The following TSEN2 variants were observed in gnomAD, a reference collection of about 807,000 sequenced individuals.
TSEN2 encodes the protein tRNA-splicing endonuclease subunit Sen2.
TSEN2 carries 54 observed loss-of-function variants against 59.2 expected under a neutral mutation model. That is an observed-to-expected ratio of 0.91 (90% confidence interval 0.73 to 1.14). The LOEUF (loss-of-function observed/expected upper bound fraction) is 1.14, where lower values mean the gene tolerates loss of function less well. TSEN2 is among the 50% of genes most tolerant of loss of function. TSEN2 has a pLI of 0.00. For synonymous variants in TSEN2, 195 were observed against 198.2 expected (o/e 0.98, Z 0.14); for missense variants, 636 against 576.2 (o/e 1.10, Z -1.06).
chr3:12,528,059 C>G (rs146247586), intron 8 of TSEN2, among the ~76,000 whole-genome samples: 3 of 152,334 alleles, frequency 2.0e-5, no homozygotes, highest in African/African-American at 7.2e-5. Flanking sequence ...CAAACTGATA[C>G]TTGAATGGCA....
intron 4 of TSEN2, among the ~76,000 whole-genome samples, chr3:12,500,306 G>A (rs890926039): frequency 3.3e-5 from 5 of 152,176 alleles, no homozygotes; most frequent in African/African-American, 9.7e-5. Flanking sequence ...TGTTTGTGTG[G>A]CTCTTTTCAT....
intron 7 of TSEN2, among the ~76,000 whole-genome samples, chr3:12,517,016 C>T (rs899361768): frequency 2.6e-5 from 4 of 152,108 alleles, no homozygotes; most frequent in Admixed American, 2.0e-4. Context: ...GTACTTTACA[C>T]GCAATATTTC....
At chr3:12,539,288 C>T (rs1191381144) in exon 11 of TSEN2, 1 of 347,406 alleles carries the variant, frequency 2.9e-6, no homozygotes, top group African/African-American at 2.2e-5. Context: ...CACGCACCAC[C>T]ACACACGGCT....
upstream of TSEN2, among the ~76,000 whole-genome samples, chr3:12,480,617 G>A (rs2052182164): frequency 7.4e-6 from 1 of 135,364 alleles, no homozygotes. Context: ...TGTAACCTCT[G>A]CCTCCTGGGT....
Position 12,532,677 on chromosome 3 carries a change from C to T in TSEN2, c.1354C>T (p.Arg452Ter), listed in dbSNP as rs376815626. ...TTGGTTGTAGGAGGTGATTCTGAGT[C>T]GATGGGTTTCTTCACGAGAGAGGAG... Reference protein sequence around the residue: ...RIKVQEVILSRWVSSRERSDQ... With the variant: ...RIKVQEVILS Residue 452 changes from arginine to a stop codon, truncating the protein, a stop_gained, in exon 12 of 12, where the codon CGA (arginine) becomes TGA (stop). Transcript: ENST00000284995. LOFTEE classifies it high-confidence loss of function. 2.2e-5 allele frequency: 35 copies of T among 1,614,066 alleles called. No individual in the cohort carries two copies. The Admixed American group carries it at 2.3e-4, about 11-fold the overall frequency.
At chr3:12,534,936 A>G (rs1360293429), downstream of TSEN2, among the ~76,000 whole-genome samples, 1 of 152,080 alleles carries the variant, frequency 6.6e-6, no homozygotes, top group African/African-American at 2.4e-5. Context: ...AAGCCACTGC[A>G]CTCCAGCCTG....
At chr3:12,515,880 T>TG (rs1226027668) in intron 6 of TSEN2, among the ~76,000 whole-genome samples, 2 of 152,144 alleles carry the variant, frequency 1.3e-5, no homozygotes, top group African/African-American at 2.4e-5. Context: ...ACCTTTTTTT[T>TG]TTGTTGATAT....
rs2125268812 is a variant in TSEN2, at chr3:12,533,517, A to C, written c.*796A>C. 1 of 152,330 alleles carries C rather than the reference A, an allele frequency of 6.6e-6. No individual in the cohort carries two copies. Among genetic ancestry groups the C allele is most frequent in the South Asian group, 2.1e-4 (1 of 4,818 alleles). The allele number at this position is 152,330 out of a possible 1,614,324, so 9.4% of individuals were successfully genotyped here. On this transcript the variant is annotated 3_prime_UTR_variant, in exon 12 of 12. Transcript: ENST00000284995. The stretch of plus-strand genomic sequence containing the variant: ...TCCTCTCTACTAACAAAAATTATCC[A>C]AGCATTGTAGCACATGCCTGTAATT...
chr3:12,539,176 C>G (rs1170164378), exon 11 of TSEN2: 2 of 437,254 alleles, frequency 4.6e-6, no homozygotes, highest in East Asian at 1.4e-4. Flanking sequence ...CTCTGTCGTC[C>G]AGGCTGGAGT....
At chr3:12,511,659 T>C (rs781146055) in intron 6 of TSEN2, among the ~76,000 whole-genome samples, 7 of 151,292 alleles carry the variant, frequency 4.6e-5, no homozygotes, top group Non-Finnish European at 8.8e-5. Flanking sequence ...CTCAGTCTCC[T>C]GAGCCCAAGC....
intron 3 of TSEN2, among the ~76,000 whole-genome samples, chr3:12,495,067 A>G (rs1442526990): frequency 2.1e-5 from 3 of 145,310 alleles, no homozygotes; most frequent in Non-Finnish European, 4.5e-5. Context: ...CGGAGGTTGC[A>G]GTGAGCCAAA....
intron 8 of TSEN2, among the ~76,000 whole-genome samples, chr3:12,522,604 A>G (rs932101677): frequency 6.6e-6 from 1 of 152,238 alleles, no homozygotes; most frequent in African/African-American, 2.4e-5. Flanking sequence ...TCAAAGGCCA[A>G]TGACCTAGTC....
At chr3:12,488,195 T>G (rs2052827497) in intron 1 of TSEN2, among the ~76,000 whole-genome samples, 1 of 152,214 alleles carries the variant, frequency 6.6e-6, no homozygotes, top group South Asian at 2.1e-4. Context: ...CTTGACTGTT[T>G]CAGGCTTGAT....
At chr3:12,480,592 G>A (rs1422104629), upstream of TSEN2, among the ~76,000 whole-genome samples, 1 of 142,678 alleles carries the variant, frequency 7.0e-6, no homozygotes, top group Admixed American at 7.1e-5. Flanking sequence ...GTGTAGTGGC[G>A]CAATCTCCGC....
At chr3:12,496,429 T>C in intron 3 of TSEN2, 89 bp from the exon 4 acceptor site, 1 of 1,391,966 alleles carries the variant, frequency 7.2e-7, no homozygotes, top group South Asian at 1.2e-5. Context: ...ATTTTGTGAA[T>C]CTTAAAATTC....
chr3:12,522,559 A>T (rs899222867), intron 8 of TSEN2, among the ~76,000 whole-genome samples: 1 of 152,214 alleles, frequency 6.6e-6, no homozygotes. Context: ...ATGGCTGCAC[A>T]GTTCCTGCTG....
intron 5 of TSEN2, among the ~76,000 whole-genome samples, chr3:12,504,329 C>T (rs2054596233): frequency 6.6e-6 from 1 of 152,128 alleles, no homozygotes; most frequent in Non-Finnish European, 1.5e-5. Flanking sequence ...CACCTGTAAT[C>T]CCAGCACTTT....
rs560188885 is a variant in TSEN2, at chr3:12,516,281, C to T, written c.910-330C>T. On this transcript the variant is annotated intron_variant, in intron 6 of 11. Transcript: ENST00000284995. ...TACTGAAAAAAATACAAAAAATTAG[C>T]CGGGCGTGGCGGCGGGCGCCTGTAG... Among the ~76,000 whole-genome samples the T allele has an allele frequency of 1.2e-4, 19 of 152,150 alleles. 1 individual carries two copies. The South Asian group carries it at 3.7e-3, about 30-fold the overall frequency.
chr3:12,496,413 T>C, intron 3 of TSEN2, 105 bp from the exon 4 acceptor site: 1 of 1,196,940 alleles, frequency 8.4e-7, no homozygotes, highest in Non-Finnish European at 1.2e-6. Flanking sequence ...ACTTTCTAGG[T>C]GTGTGATTTT....
Sources: allele counts gnomAD v4.1 joint callset (sites outside exome capture counted in the v4.1 genomes callset), GRCh38; gene constraint gnomAD v4.1.1; transcripts MANE v1.5; gene names NCBI Gene and HGNC (gene_info 2026-07-23, HGNC 2026-07-21).